EGF: variants seen among roughly 807,000 people sequenced by gnomAD.
EGF encodes pro-epidermal growth factor.
EGF carries 95 observed loss-of-function variants against 143.8 expected under a neutral mutation model. That is an observed-to-expected ratio of 0.66 (90% CI 0.56 to 0.78). The LOEUF is 0.78. EGF is among the 30% of genes least tolerant of loss of function. EGF has a pLI of 0.00. For synonymous variants in EGF, 510 were observed against 510.5 expected, an observed-to-expected ratio of 1.00 and a Z score of 0.01; for missense variants, 1,320 against 1,470.9, an observed-to-expected ratio of 0.90 and a Z score of 1.68.
intron 1 of EGF, among the ~76,000 whole-genome samples, chr4:109,916,590 G>T (rs75912212): frequency 2.6e-5 from 4 of 152,088 alleles, no homozygotes; most frequent in Admixed American, 1.3e-4. Context: ...GTCTGGATCA[G>T]AGTCTCTTCT....
chr4:110,000,358 C>T (rs1458751144), intron 21 of EGF, among the ~76,000 whole-genome samples: 1 of 151,906 alleles, frequency 6.6e-6, no homozygotes, highest in Non-Finnish European at 1.5e-5. Flanking sequence ...TGTTCCATTC[C>T]AGTCATTGTC....
Position 109,926,568 on chromosome 4 carries a change from A to G in EGF, c.127+13106A>G, listed in dbSNP as rs78642509. Among the ~76,000 whole-genome samples the G allele has an allele frequency of 0.013, 1,980 of 152,162 alleles. 208 individuals carry two copies. In the East Asian group the frequency reaches 0.23, roughly 18 times the overall value. On this transcript the variant is annotated intron_variant, in intron 1 of 23. Coordinates refer to ENST00000265171, the MANE Select transcript of EGF (RefSeq NM_001963.6). ...GAGACGGGGTTTCACCGAGTTAGCCAGGATGGTCTCGATCTCCTGACCTCG... is the reference window on the plus strand; with the variant it reads ...GAGACGGGGTTTCACCGAGTTAGCCGGGATGGTCTCGATCTCCTGACCTCG...
intron 18 of EGF, among the ~76,000 whole-genome samples, chr4:109,989,604 C>T (rs1439913642): frequency 6.6e-6 from 1 of 152,168 alleles, no homozygotes; most frequent in Non-Finnish European, 1.5e-5. Flanking sequence ...GTGGAATCCA[C>T]AGACATCTGT....
At chr4:109,937,335 CA>C (rs1458113189) in intron 1 of EGF, among the ~76,000 whole-genome samples, 2 of 147,724 alleles carry the variant, frequency 1.4e-5, no homozygotes, top group African/African-American at 5.0e-5. Flanking sequence ...GTCTGTTTAT[CA>C]AAGACCAGGA....
intron 9 of EGF, 117 bp downstream of exon 9, chr4:109,963,415 G>A: frequency 7.6e-7 from 1 of 1,321,396 alleles, no homozygotes; most frequent in Non-Finnish European, 1.1e-6. Context: ...TGGAAAAAAA[G>A]CAAATCACAT....
intron 22 of EGF, among the ~76,000 whole-genome samples, chr4:110,007,607 G>T (rs1174761851): frequency 6.6e-6 from 1 of 152,152 alleles, no homozygotes; most frequent in East Asian, 1.9e-4. Flanking sequence ...GTTGTTTTCT[G>T]TTCCTTCCTA....
chr4:109,979,797 CAT>C (rs1334186075), intron 13 of EGF, among the ~76,000 whole-genome samples, 173 bp from the exon 14 acceptor site: 1 of 152,186 alleles, frequency 6.6e-6, no homozygotes. Context: ...GTTCCCTCCT[CAT>C]GTGGGCTTTC....
chr4:109,986,598 T>TA (rs534835738), intron 16 of EGF, among the ~76,000 whole-genome samples: 258 of 152,314 alleles, frequency 1.7e-3, no homozygotes, highest in African/African-American at 5.9e-3. Flanking sequence ...GAGGGCTTTT[T>TA]AAAAAATCTC....
At chr4:109,969,300 C>A (rs1004051936) in intron 11 of EGF, among the ~76,000 whole-genome samples, 181 bp downstream of exon 11, 12 of 152,178 alleles carry the variant, frequency 7.9e-5, no homozygotes, top group Non-Finnish European at 1.6e-4. Flanking sequence ...ATCAAGATTG[C>A]ATCTGTGTGC....
intron 1 of EGF, among the ~76,000 whole-genome samples, chr4:109,929,923 A>G (rs995796702): frequency 3.3e-5 from 5 of 152,162 alleles, no homozygotes; most frequent in African/African-American, 1.2e-4. Context: ...TGTAATCCCC[A>G]GGTGTTGAGG....
At chr4:109,915,870 C>A (rs1736557381) in intron 1 of EGF, among the ~76,000 whole-genome samples, 1 of 152,192 alleles carries the variant, frequency 6.6e-6, no homozygotes, top group African/African-American at 2.4e-5. Context: ...GTGATAGCAA[C>A]ACAATTAGGT....
chr4:109,937,231 A>G (rs1025386621), intron 1 of EGF, among the ~76,000 whole-genome samples: 2 of 152,140 alleles, frequency 1.3e-5, no homozygotes, highest in Non-Finnish European at 2.9e-5. Context: ...TTGGGTGTAC[A>G]TATAATTAGG....
intron 6 of EGF, 148 bp downstream of exon 6, chr4:109,959,585 A>G: frequency 1.7e-6 from 2 of 1,177,714 alleles, no homozygotes; most frequent in South Asian, 1.3e-5. Context: ...TCCCCCACAC[A>G]ACCCCTGAAG....
chr4:109,974,103 T>C (rs1291860884), intron 11 of EGF, among the ~76,000 whole-genome samples: 3 of 152,218 alleles, frequency 2.0e-5, no homozygotes, highest in Non-Finnish European at 4.4e-5. Flanking sequence ...AATCTAGAGA[T>C]GATTTAAAGT....
Position 109,934,802 on chromosome 4 carries a change from C to T in EGF, c.128-6144C>T, listed in dbSNP as rs186139937. 1.9e-3 allele frequency among the ~76,000 whole-genome samples: 286 copies of T among 152,138 alleles called. 2 individuals are homozygous for T. The highest frequency in any genetic ancestry group is 6.5e-3 in the African/African-American group (269 of 41,486). On this transcript the variant is annotated intron_variant, in intron 1 of 23. Coordinates refer to ENST00000265171, the MANE Select transcript of EGF (RefSeq NM_001963.6). Reference sequence around the variant, plus strand: ...TATGTCTAGCCAGTTTTCCCAGCACCGTTTATTAAAAAGGGAATCCTTTCC... The same window carrying T: ...TATGTCTAGCCAGTTTTCCCAGCACTGTTTATTAAAAAGGGAATCCTTTCC...
At chr4:109,986,359 T>C (rs976946950) in intron 16 of EGF, among the ~76,000 whole-genome samples, 1 of 152,272 alleles carries the variant, frequency 6.6e-6, no homozygotes, top group African/African-American at 2.4e-5. Context: ...GTCTTCCAAA[T>C]AAATGCTGAA....
chr4:109,985,246 T>TTGTG (rs1749964274), intron 16 of EGF, among the ~76,000 whole-genome samples: 1 of 152,182 alleles, frequency 6.6e-6, no homozygotes, highest in Non-Finnish European at 1.5e-5. Flanking sequence ...CATACCTGGA[T>TTGTG]TGTGTTCTGT....
At chr4:110,005,036 C>CTTTTTTTTTTTTTTTTTTTTTTTTT (rs538062029) in intron 22 of EGF, among the ~76,000 whole-genome samples, 2 of 80,696 alleles carry the variant, frequency 2.5e-5, no homozygotes, top group Non-Finnish European at 4.7e-5. Context: ...TTTTCTCTGT[C>CTTTTTTTTTTTTTTTTTTTTTTTTT]TTTTTTTTTT....
intron 18 of EGF, 86 bp downstream of exon 18, chr4:109,988,795 C>A (rs555887197): frequency 1.9e-6 from 3 of 1,591,478 alleles, no homozygotes; most frequent in Admixed American, 3.3e-5. Flanking sequence ...AGAGGGAAGA[C>A]AGGATATAAT....
Sources: allele counts gnomAD v4.1 joint callset (sites outside exome capture counted in the v4.1 genomes callset), GRCh38; gene constraint gnomAD v4.1.1; transcripts MANE v1.5; gene names NCBI Gene and HGNC (gene_info 2026-07-23, HGNC 2026-07-21).